Variants in MMP26 observed in about 807,000 individuals in gnomAD.
MMP26 encodes matrix metallopeptidase 26, also known as matrix metalloproteinase-26.
In MMP26, 33 loss-of-function variants were observed where a neutral mutation model predicts 31.0. That is an observed-to-expected ratio of 1.06 (90% CI 0.81 to 1.42). MMP26 has a LOEUF of 1.42. Ranked by LOEUF, MMP26 falls within the 40% of genes most tolerant of loss-of-function variation. The pLI is 0.00. For synonymous variants in MMP26, 122 were observed against 114.9 expected, an observed-to-expected ratio of 1.06 and a Z score of -0.40; for missense variants, 347 against 316.1, an observed-to-expected ratio of 1.10 and a Z score of -0.74.
At position 4,924,352 on chromosome 11, in the gene MMP26, T is replaced by C. The variant is rs770018990; in HGVS notation, c.-144-63716T>C. 18 of 1,574,422 alleles carry C rather than the reference T, an allele frequency of 1.1e-5. No homozygotes were observed. The Admixed American group carries it at 2.5e-4, about 22-fold the overall frequency. On this transcript the variant is annotated intron_variant, in intron 2 of 7. Transcript: ENST00000380390. ...GAAGAATTGTCATAGCTTTACAATCTTGGACTCAGAAACCTGGAATATAGA... is the reference window on the plus strand; with the variant it reads ...GAAGAATTGTCATAGCTTTACAATCCTGGACTCAGAAACCTGGAATATAGA...
intron 2 of MMP26, among the ~76,000 whole-genome samples, chr11:4,837,710 A>G (rs1849737872): frequency 6.6e-6 from 1 of 152,160 alleles, no homozygotes; most frequent in East Asian, 1.9e-4. Context: ...AAAGTAATAA[A>G]AACCATTATA....
chr11:4,962,698 G>A lies in MMP26; in HGVS notation c.-144-25370G>A, dbSNP rs112430683. 7.6e-3 allele frequency among the ~76,000 whole-genome samples: 1,161 copies of A among 152,238 alleles called. 13 individuals carry two copies. Among genetic ancestry groups the A allele is most frequent in the Middle Eastern group, 0.014 (4 of 294 alleles). On this transcript the variant is annotated intron_variant, in intron 2 of 7. Transcript: ENST00000380390. ...CGGGTTTAGCACTTGGTTGATTTCC[G>A]AAAGTTGGCACAACTCTGGACTTCG...
At chr11:4,990,802 G>T (rs1846988475) in intron 5 of MMP26, 56 bp downstream of exon 5, 2 of 1,511,038 alleles carry the variant, frequency 1.3e-6, no homozygotes. Context: ...AAGGACAAAG[G>T]GTTTCCATCC....
intron 1 of MMP26, among the ~76,000 whole-genome samples, chr11:4,721,203 A>AG (rs1848007318): frequency 6.6e-6 from 1 of 152,186 alleles, no homozygotes; most frequent in Non-Finnish European, 1.5e-5. Flanking sequence ...CAATGGAGTA[A>AG]GGTGCTTGTA....
chr11:4,727,679 G>A (rs182650210), intron 1 of MMP26, among the ~76,000 whole-genome samples: 9 of 152,162 alleles, frequency 5.9e-5, no homozygotes, highest in East Asian at 5.8e-4. Context: ...GCATGGTGGC[G>A]GGCGCCTGTA....
intron 2 of MMP26, chr11:4,943,913 G>T: frequency 2.3e-6 from 1 of 434,990 alleles, no homozygotes; most frequent in South Asian, 1.7e-5. Context: ...TGACATCTAT[G>T]TACAATATCC....
intron 2 of MMP26, among the ~76,000 whole-genome samples, chr11:4,772,127 A>G (rs10836614): frequency 0.093 from 14,101 of 152,238 alleles, 716 homozygotes; most frequent in Middle Eastern, 0.14. Context: ...AGCAAAAAAG[A>G]AACCACCCTC....
At chr11:4,947,146 T>C (rs746133431) in intron 2 of MMP26, 2 of 1,062,782 alleles carry the variant, frequency 1.9e-6, no homozygotes, top group Non-Finnish European at 2.6e-6. Flanking sequence ...ATGCTTGTGT[T>C]GGTAAAATAG....
intron 2 of MMP26, among the ~76,000 whole-genome samples, chr11:4,829,190 T>G (rs1462556983): frequency 6.6e-6 from 1 of 152,172 alleles, no homozygotes; most frequent in Non-Finnish European, 1.5e-5. Flanking sequence ...GGTTTACAGC[T>G]TTATCAGAGC....
At chr11:4,907,803 G>T (rs1292332174) in intron 2 of MMP26, 1 of 1,613,898 alleles carries the variant, frequency 6.2e-7, no homozygotes, top group Admixed American at 1.7e-5. Flanking sequence ...GCTAAAATGG[G>T]ACTTATTTTA....
In MMP26 at chr11:4,984,539, T is replaced by C. The variant is rs144059783; in HGVS notation, c.-144-3529T>C. Among the ~76,000 whole-genome samples the C allele has an allele frequency of 7.2e-3, 1,092 of 152,316 alleles. 14 individuals carry two copies. The highest frequency in any genetic ancestry group is 0.023 in the African/African-American group (941 of 41,572). On this transcript the variant is annotated intron_variant, in intron 2 of 7. Transcript: ENST00000380390. ...ATGAGATTTTTTTTACTGAACACTT[T>C]TATTAATTTAATGAATAATGGGTTC...
chr11:4,751,053 T>C (rs1848441388), intron 1 of MMP26, among the ~76,000 whole-genome samples: 1 of 152,122 alleles, frequency 6.6e-6, no homozygotes, highest in Non-Finnish European at 1.5e-5. Context: ...AATTACCAGA[T>C]AATATAGGCA....
intron 2 of MMP26, among the ~76,000 whole-genome samples, chr11:4,981,807 A>G (rs1288633740): frequency 6.6e-6 from 1 of 151,730 alleles, no homozygotes; most frequent in African/African-American, 2.4e-5. Context: ...AGCTTTTTAT[A>G]CTTTTAAGTT....
chr11:4,818,394 C>T (rs956130307), intron 2 of MMP26, among the ~76,000 whole-genome samples: 2 of 151,904 alleles, frequency 1.3e-5, no homozygotes, highest in African/African-American at 4.8e-5. Flanking sequence ...ATTGTGCTTA[C>T]TAGTCATTAT....
chr11:4,881,714 A>G, intron 2 of MMP26: 1 of 602,102 alleles, frequency 1.7e-6, no homozygotes, highest in Non-Finnish European at 2.9e-6. Flanking sequence ...TTGAATCTGT[A>G]TTGAACTATT....
intron 2 of MMP26, among the ~76,000 whole-genome samples, chr11:4,790,240 C>T (rs1589901379): frequency 1.3e-5 from 2 of 151,950 alleles, no homozygotes; most frequent in East Asian, 1.9e-4. Context: ...ACTCGGGAGG[C>T]TGAGGCAGGA....
In MMP26 at chr11:4,943,805, C is replaced by T. The variant is rs11034812; in HGVS notation, c.-144-44263C>T. 1.7e-3 allele frequency: 735 copies of T among 430,236 alleles called. 1 individual carries two copies. Among genetic ancestry groups the T allele is most frequent in the Non-Finnish European group, 3.0e-3 (650 of 216,370 alleles). 26.7% of individuals were successfully genotyped at this position (430,236 alleles called of 1,614,324 possible). A position where few individuals can be genotyped will look rare whatever the true frequency, so the allele number is the denominator to read the frequency against. On this transcript the variant is annotated intron_variant, in intron 2 of 7. Transcript: ENST00000380390. ...TGCTGACCATAAATCTTCACCTCCC[C>T]CATTGAGATTTATGTATCTTTATTT...
chr11:4,900,101 T>C (rs1464518038), intron 2 of MMP26, among the ~76,000 whole-genome samples: 1 of 152,200 alleles, frequency 6.6e-6, no homozygotes, highest in African/African-American at 2.4e-5. Flanking sequence ...CAACTCTACC[T>C]GTTCTATTTC....
rs397747424 is a variant in MMP26 at position 4,717,526 on chromosome 11, GT to G, written c.-217+12493del. Among the ~76,000 whole-genome samples the G allele has an allele frequency of 4.5e-4, 66 of 146,018 alleles. 2 individuals are homozygous for G. The highest frequency in any genetic ancestry group is 3.6e-3 in the Middle Eastern group (1 of 280). On this transcript the variant is annotated intron_variant, in intron 1 of 7. Transcript: ENST00000380390. ...ATTAGATTTAGAATATTTCCATGTT[GT>G]TTTTTTTTTTTCTCAGCTACCAGAT...
Sources: allele counts gnomAD v4.1 joint callset (sites outside exome capture counted in the v4.1 genomes callset), GRCh38; gene constraint gnomAD v4.1.1; transcripts MANE v1.5; gene names NCBI Gene and HGNC (gene_info 2026-07-23, HGNC 2026-07-21).